Variants in FLII observed in about 807,000 individuals in gnomAD.
FLII encodes the protein protein flightless-1 homolog.
FLII carries 101 observed loss-of-function variants against 156.2 expected under a neutral mutation model. The ratio of observed to expected loss-of-function variants is 0.65; its 90% CI spans 0.55 to 0.76. The LOEUF (loss-of-function observed/expected upper bound fraction) is 0.76, where lower values mean the gene tolerates loss of function less well. Ranked by LOEUF, FLII falls within the 30% of genes least tolerant of loss-of-function variation. FLII has a pLI of 0.00. For synonymous variants in FLII, 767 were observed against 685.8 expected, an observed-to-expected ratio of 1.12 and a Z score of -1.85; for missense variants, 1,675 against 1,682.8, an observed-to-expected ratio of 1.00 and a Z score of 0.08.
rs779140678 is a variant in FLII, at chr17:18,246,474, G to A, written c.3052-12C>T. 1.2e-5 allele frequency: 19 copies of A among 1,613,700 alleles called. No homozygotes were observed. Among genetic ancestry groups the A allele is most frequent in the Non-Finnish European group, 1.6e-5 (19 of 1,179,978 alleles). On this transcript the variant is annotated splice_polypyrimidine_tract_variant and intron_variant, in intron 23 of 29. Coordinates refer to ENST00000327031, the MANE Select transcript of FLII (RefSeq NM_002018.4). ...GTCATGCGTACCACCTGGGGATGTG[G>A]AAGTGTTAGGGGCAGCTCCCTGGAC...
Position 18,245,031 on chromosome 17 carries a change from G to A in FLII, c.*107C>T, listed in dbSNP as rs567357608. The stretch of plus-strand genomic sequence containing the variant: ...TGAGGCTACTGGGGACTGTGGCACT[G>A]GACGTGGCTGGAGCAGGTGGTGTCA... On this transcript the variant is annotated 3_prime_UTR_variant, in exon 30 of 30. Coordinates refer to ENST00000327031, the MANE Select transcript of FLII (RefSeq NM_002018.4). 2.4e-6 allele frequency: 3 copies of A among 1,266,946 alleles called. No individual in the cohort carries two copies. Among genetic ancestry groups the A allele is most frequent in the African/African-American group, 3.0e-5 (2 of 67,478 alleles). The allele number at this position is 1,266,946 out of a possible 1,614,324, so 78.5% of individuals were successfully genotyped here.
intron 14 of FLII, among the ~76,000 whole-genome samples, chr17:18,250,358 G>A (rs900094470): frequency 5.3e-5 from 8 of 152,136 alleles, no homozygotes; most frequent in Non-Finnish European, 1.0e-4. Context: ...GTGTACATGC[G>A]AACATATGTC....
At chr17:18,255,390 C>T (rs979190497) in intron 3 of FLII, 127 bp from the exon 4 acceptor site, 23 of 719,522 alleles carry the variant, frequency 3.2e-5, no homozygotes, top group Non-Finnish European at 5.3e-5. Flanking sequence ...CACCTCTGGC[C>T]TTTGATCAAA....
intron 13 of FLII, 26 bp downstream of exon 13, chr17:18,251,239 C>T (rs774818760): frequency 1.2e-5 from 20 of 1,607,718 alleles, no homozygotes; most frequent in Non-Finnish European, 1.6e-5. Flanking sequence ...GGCCACATGG[C>T]CCCTAACAGC....
intron 1 of FLII, 152 bp from the exon 2 acceptor site, chr17:18,257,171 C>T (rs751433018): frequency 1.8e-6 from 1 of 568,836 alleles, no homozygotes; most frequent in Non-Finnish European, 3.1e-6. Flanking sequence ...GCCTCAATTT[C>T]TTCACCCATA....
chr17:18,247,467 G>C (rs1309326484), intron 20 of FLII, 110 bp from the exon 21 acceptor site: 1 of 1,194,990 alleles, frequency 8.4e-7, no homozygotes, highest in Non-Finnish European at 1.2e-6. Context: ...CGGGGCTTGG[G>C]AGGCGGGGCC....
intron 14 of FLII, 38 bp from the exon 15 acceptor site, chr17:18,249,446 GC>G: frequency 6.5e-7 from 1 of 1,539,324 alleles, no homozygotes; most frequent in South Asian, 1.1e-5. Flanking sequence ...TCACTGAGCT[GC>G]CCCCTCCCCC....
At position 18,245,876 on chromosome 17, in the gene FLII, G is replaced by C. The variant is rs778678110; in HGVS notation, c.3397-26C>G. The C allele has an allele frequency of 2.5e-6, 4 of 1,613,990 alleles. No individual in the cohort carries two copies. In the Admixed American group the frequency reaches 6.7e-5, roughly 27 times the overall value. On this transcript the variant is annotated intron_variant, in intron 26 of 29. Transcript: ENST00000327031. ...CTGCGGGAAAGGCCAGTCCAGCCCAGGGCCCCTGCCTGCCCTGGCTCCTCT... is the reference window on the plus strand; with the variant it reads ...CTGCGGGAAAGGCCAGTCCAGCCCACGGCCCCTGCCTGCCCTGGCTCCTCT...
At chr17:18,256,436 G>T in intron 3 of FLII, 90 bp downstream of exon 3, 2 of 1,041,476 alleles carry the variant, frequency 1.9e-6, no homozygotes, top group Non-Finnish European at 2.9e-6. Flanking sequence ...CAGAAATGCT[G>T]GCCCAGCTTG....
In FLII at chr17:18,251,427, C is replaced by T. The variant is rs780421010; in HGVS notation, c.1434G>A (p.Gln478=). The stretch of plus-strand genomic sequence containing the variant: ...AGTCAAGGCGGGGCTTCTCCAGGCC[C>T]TGGTCCCAACGCCGCACCTTCCCGC... The part of the protein sequence containing the change: ...APSGKVRRWD[Q]GLEKPRLDYS... The change falls in exon 13 of 30, where the codon CAG becomes CAA. Residue 478 remains glutamine, a synonymous_variant. Transcript: ENST00000327031. 5.6e-6 allele frequency: 9 copies of T among 1,612,634 alleles called. No individual in the cohort carries two copies. Among genetic ancestry groups the T allele is most frequent in the African/African-American group, 1.3e-5 (1 of 75,064 alleles).
chr17:18,249,125 A>T lies in FLII; in HGVS notation c.1934+2T>A. 1 of 1,613,224 alleles carries T rather than the reference A, an allele frequency of 6.2e-7. No homozygotes were observed. The highest frequency in any genetic ancestry group is 1.1e-5 in the South Asian group (1 of 91,064). On this transcript the variant is annotated splice_donor_variant, in intron 16 of 29. Coordinates refer to ENST00000327031, the MANE Select transcript of FLII (RefSeq NM_002018.4). LOFTEE classifies it high-confidence loss of function. ...CCCCCACCTCACATTGTTGGGGCTC[A>T]CCTTGGGTCCAGAGAGGTCCCCTTG... is the stretch of plus-strand genomic sequence containing the variant.
chr17:18,251,208 C>T, intron 13 of FLII, 57 bp downstream of exon 13: 1 of 1,564,774 alleles, frequency 6.4e-7, no homozygotes, highest in East Asian at 2.3e-5. Context: ...GGGGACTGAG[C>T]CATCTTAGAG....
rs2048188299 is a variant in FLII, at chr17:18,249,361, G to A, written c.1824C>T (p.Gly608=). The part of the protein sequence containing the change: ...ISYIEGGTAS[G]FYTVEDTHYV... ...AGTGTGTGTCTTCCACAGTGTAGAA[G>A]CCACTGGCTGTTCCACCCTCAATGT... is the stretch of plus-strand genomic sequence containing the variant. The change falls in exon 15 of 30, where the codon GGC becomes GGT. Residue 608 remains glycine, a synonymous_variant. Transcript: ENST00000327031. 6.2e-7 allele frequency: 1 copy of A among 1,613,998 alleles called. No individual in the cohort carries two copies. Among genetic ancestry groups the A allele is most frequent in the Non-Finnish European group, 8.5e-7 (1 of 1,180,002 alleles).
intron 12 of FLII, 64 bp from the exon 13 acceptor site, chr17:18,251,541 C>A (rs2048268694): frequency 7.0e-6 from 11 of 1,561,680 alleles, no homozygotes; most frequent in Middle Eastern, 1.9e-4. Context: ...TCTTTACTTG[C>A]TACCCACACC....
Position 18,250,995 on chromosome 17 carries a change from G to A in FLII, c.1619C>T (p.Ser540Phe). The A allele has an allele frequency of 2.5e-6, 4 of 1,613,552 alleles. No homozygotes were observed. The highest frequency in any genetic ancestry group is 3.4e-6 in the Non-Finnish European group (4 of 1,179,798). The change falls in exon 14 of 30, where the codon TCC (serine) becomes TTC (phenylalanine). Residue 540 changes from serine to phenylalanine, a missense_variant. Physicochemically the swap from Ser to Phe is radical, Grantham distance 155 (BLOSUM62 -2). Around this residue, in one of 2 missense-constraint regions of FLII, gnomAD observed 1,332 missense variants for 1,269.3 expected, o/e 1.05. Transcript: ENST00000327031. ...CCAGTAGTAGATCTCCCAGTTGAGGGAGCCGCTGTCATCCAGAAAGGTCTG... is the reference window on the plus strand; with the variant it reads ...CCAGTAGTAGATCTCCCAGTTGAGGAAGCCGCTGTCATCCAGAAAGGTCTG... Reference protein sequence around the residue: ...VLKTFLDDSGSLNWEIYYWIG... With the variant: ...VLKTFLDDSGFLNWEIYYWIG...
chr17:18,251,796 G>A lies in FLII; in HGVS notation c.1267C>T (p.Pro423Ser). ...CGCAGTCGCATCTTGCGAGCCATAG[G>A]GTCCTTGGGCCCACTCCCTGCTTAG... ...AAAAGSGPKD[P>S]MARKMRLRRR... Residue 423 changes from proline (P) to serine (S), a missense_variant, in exon 12 of 30, where the codon CCT (proline) becomes TCT (serine). Transcript: ENST00000327031. 6.2e-7 allele frequency: 1 copy of A among 1,613,854 alleles called. No individual in the cohort carries two copies. The highest frequency in any genetic ancestry group is 8.5e-7 in the Non-Finnish European group (1 of 1,180,038).
chr17:18,247,123 G>GGGGGGGGGGGGCCCC, intron 21 of FLII, 46 bp downstream of exon 21: 1 of 1,249,068 alleles, frequency 8.0e-7, no homozygotes, highest in Non-Finnish European at 1.0e-6. Flanking sequence ...CCCTCGGCCT[G>GGGGGGGGGGGGCCCC]CCCCCCACCC....
intron 6 of FLII, 108 bp downstream of exon 6, chr17:18,254,413 G>A: frequency 2.6e-6 from 3 of 1,153,676 alleles, no homozygotes; most frequent in Non-Finnish European, 3.6e-6. Flanking sequence ...CCTGCACGGA[G>A]GGATGGCTGG....
Position 18,247,239 on chromosome 17 carries a change from T to C in FLII, c.2606A>G (p.Lys869Arg), listed in dbSNP as rs371651000. The change falls in exon 21 of 30, where the codon AAG becomes AGG. Residue 869 changes from lysine to arginine, a missense_variant. Transcript: ENST00000327031. ...LSGKVKRDAEKKDQMKADLTA... is the reference protein window; with the variant it reads ...LSGKVKRDAERKDQMKADLTA... ...GAGGTCAGCCTTCATCTGGTCTTTCTTCTCGGCGTCGCGTTTCACCTTCCC... is the reference window on the plus strand; with the variant it reads ...GAGGTCAGCCTTCATCTGGTCTTTCCTCTCGGCGTCGCGTTTCACCTTCCC... 1 of 1,604,528 alleles carries C rather than the reference T, an allele frequency of 6.2e-7. No individual in the cohort carries two copies. Among genetic ancestry groups the C allele is most frequent in the Non-Finnish European group, 8.5e-7 (1 of 1,179,510 alleles).
Sources: allele counts gnomAD v4.1 joint callset (sites outside exome capture counted in the v4.1 genomes callset), GRCh38; gene constraint gnomAD v4.1.1; regional missense constraint gnomAD v4.1.1; transcripts MANE v1.5; gene names NCBI Gene and HGNC (gene_info 2026-07-23, HGNC 2026-07-21).